The following TRAPPC3 variants were observed in gnomAD, a reference collection of about 807,000 sequenced individuals.
TRAPPC3 encodes trafficking protein particle complex subunit 3, also known as trafficking protein particle complex 3.
In TRAPPC3, 5 loss-of-function variants were observed where a neutral mutation model predicts 18.2. The ratio of observed to expected loss-of-function variants is 0.28; its 90% CI spans 0.14 to 0.58. TRAPPC3 has a LOEUF of 0.58. TRAPPC3 is among the 20% of genes least tolerant of loss of function. The pLI is 0.91. For missense variants in TRAPPC3, 176 were observed against 225.9 expected, an observed-to-expected ratio of 0.78 and a Z score of 1.41; for synonymous variants, 65 against 84.2, an observed-to-expected ratio of 0.77 and a Z score of 1.25.
intron 3 of TRAPPC3, among the ~76,000 whole-genome samples, chr1:36,139,070 G>A (rs373412389): frequency 2.2e-3 from 333 of 149,526 alleles, no homozygotes; most frequent in African/African-American, 7.8e-3. Flanking sequence ...AAAAAAAGAT[G>A]AGGTCACTGG....
At position 36,138,268 on chromosome 1, in the gene TRAPPC3, T is replaced by G. The variant is rs1235266252; in HGVS notation, c.241-290A>C. The G allele has an allele frequency of 7.8e-6, 12 of 1,536,720 alleles. No individual in the cohort carries two copies. The Admixed American group carries it at 2.0e-4, about 25-fold the overall frequency. ...TACAAGTAAGCAACAACTCACTCAC[T>G]GTGTGCTTGTACTTCTCAGTGGAAG... On this transcript the variant is annotated intron_variant, in intron 3 of 4. Transcript: ENST00000373166.
At chr1:36,144,034 G>A (rs532963370) in intron 1 of TRAPPC3, among the ~76,000 whole-genome samples, 3 of 152,108 alleles carry the variant, frequency 2.0e-5, no homozygotes, top group South Asian at 2.1e-4. Flanking sequence ...AGGAGGGCAA[G>A]TACAGCACTT....
At chr1:36,150,331 G>C (rs963411163), upstream of TRAPPC3, among the ~76,000 whole-genome samples, 3 of 152,218 alleles carry the variant, frequency 2.0e-5, no homozygotes, top group African/African-American at 7.2e-5. Context: ...CAACAAACAG[G>C]CACCAGAAAC....
At chr1:36,137,749 T>A (rs1213964897) in intron 4 of TRAPPC3, 47 bp downstream of exon 4, 5 of 1,568,738 alleles carry the variant, frequency 3.2e-6, no homozygotes, top group Middle Eastern at 1.9e-4. Flanking sequence ...ACTTATCAAG[T>A]CCCTATTGCA....
rs1644038346 is a variant in TRAPPC3, at chr1:36,137,248, T to A, written c.498A>T (p.Arg166Ser). ...GATTGTCCTCAATCCGCCTGATGAA[T>A]CTCATCCGGATTTCTGTCACACCGT... The part of the protein sequence containing the change: ...KGDGVTEIRM[R>S]FIRRIEDNLP... The change falls in exon 5 of 5, where the codon AGA (arginine) becomes AGT (serine). Residue 166 changes from arginine (R) to serine (S), a missense_variant. Coordinates refer to ENST00000373166, the MANE Select transcript of TRAPPC3 (RefSeq NM_014408.5). 6.2e-7 allele frequency: 1 copy of A among 1,613,144 alleles called. No individual in the cohort carries two copies. Among genetic ancestry groups the A allele is most frequent in the Admixed American group, 1.7e-5 (1 of 59,984 alleles).
At chr1:36,150,590 G>A (rs1644261113), upstream of TRAPPC3, among the ~76,000 whole-genome samples, 1 of 152,236 alleles carries the variant, frequency 6.6e-6, no homozygotes, top group Non-Finnish European at 1.5e-5. Flanking sequence ...AGGCTAGGGA[G>A]GGCTGGGGGG....
At chr1:36,155,926 G>C (rs1251748668) in exon 1 of TRAPPC3, 3 of 153,150 alleles carry the variant, frequency 2.0e-5, no homozygotes, top group African/African-American at 4.8e-5. Flanking sequence ...GCGGACGCAG[G>C]GGGAGGCAGC....
At position 36,149,395 on chromosome 1, in the gene TRAPPC3, C is replaced by T. The variant is rs1209591057; in HGVS notation, c.-17G>A. On this transcript the variant is annotated 5_prime_UTR_variant, in exon 1 of 5. Coordinates refer to ENST00000373166, the MANE Select transcript of TRAPPC3 (RefSeq NM_014408.5). ...CCTCGACATGGTGCCGGCCGCCCCG[C>T]CCCACTCGCCTAGCCACGGGTTAGC... The T allele has an allele frequency of 6.2e-7, 1 of 1,612,480 alleles. No individual in the cohort carries two copies. Among genetic ancestry groups the T allele is most frequent in the East Asian group, 2.2e-5 (1 of 44,862 alleles).
chr1:36,150,064 T>C (rs1239026845), upstream of TRAPPC3, among the ~76,000 whole-genome samples: 1 of 152,154 alleles, frequency 6.6e-6, no homozygotes, highest in Non-Finnish European at 1.5e-5. Context: ...ATCCAGTCTT[T>C]TAGGTAAAGT....
In TRAPPC3 at chr1:36,149,403, G is replaced by A; in HGVS notation, c.-25C>T. Reference sequence around the variant, plus strand: ...TGGTGCCGGCCGCCCCGCCCCACTCGCCTAGCCACGGGTTAGCTCGGCGAC... The same window carrying A: ...TGGTGCCGGCCGCCCCGCCCCACTCACCTAGCCACGGGTTAGCTCGGCGAC... On this transcript the variant is annotated 5_prime_UTR_variant, in exon 1 of 5. Transcript: ENST00000373166. 6.2e-7 allele frequency: 1 copy of A among 1,611,662 alleles called. No homozygotes were observed. Among genetic ancestry groups the A allele is most frequent in the Non-Finnish European group, 8.5e-7 (1 of 1,179,510 alleles).
At chr1:36,148,005 A>G (rs1644226172) in intron 1 of TRAPPC3, among the ~76,000 whole-genome samples, 1 of 152,210 alleles carries the variant, frequency 6.6e-6, no homozygotes, top group South Asian at 2.1e-4. Context: ...AGAAAGAAAC[A>G]TTTACCATGC....
intron 4 of TRAPPC3, 21 bp from the exon 5 acceptor site, chr1:36,137,343 G>A (rs779213052): frequency 3.1e-6 from 5 of 1,599,570 alleles, no homozygotes; most frequent in South Asian, 1.1e-5. Flanking sequence ...GTGGGAAAAC[G>A]AAGGGGTAGC....
chr1:36,146,136 T>C (rs1344265686), intron 1 of TRAPPC3, among the ~76,000 whole-genome samples: 1 of 151,718 alleles, frequency 6.6e-6, no homozygotes, highest in Non-Finnish European at 1.5e-5. Context: ...GGGAGTGCCG[T>C]GGTGCCATTT....
chr1:36,153,337 C>A (rs993086172), upstream of TRAPPC3, among the ~76,000 whole-genome samples: 3 of 152,184 alleles, frequency 2.0e-5, no homozygotes, highest in Non-Finnish European at 4.4e-5. Context: ...GAGTCCACTT[C>A]CTCTGTCCAC....
chr1:36,153,623 T>G (rs1468605158), upstream of TRAPPC3, among the ~76,000 whole-genome samples: 1 of 152,210 alleles, frequency 6.6e-6, no homozygotes, highest in African/African-American at 2.4e-5. Flanking sequence ...CTACGCAATG[T>G]AGGATGGTAA....
intron 1 of TRAPPC3, among the ~76,000 whole-genome samples, chr1:36,142,075 C>T (rs1445256456): frequency 1.3e-5 from 2 of 151,670 alleles, no homozygotes; most frequent in Non-Finnish European, 2.9e-5. Flanking sequence ...TCAACCTATC[C>T]ACTCTTCCCC....
chr1:36,149,533 T>A, upstream of TRAPPC3: 1 of 942,862 alleles, frequency 1.1e-6, no homozygotes, highest in Non-Finnish European at 1.6e-6. Flanking sequence ...ACGGGACTAG[T>A]GGTCCGGCCG....
intron 1 of TRAPPC3, 148 bp downstream of exon 1, chr1:36,149,189 C>CCT: frequency 1.3e-6 from 2 of 1,489,470 alleles, no homozygotes; most frequent in Non-Finnish European, 1.8e-6. Flanking sequence ...CTGCCTGGAA[C>CCT]GCCCCCGGAG....
At chr1:36,146,120 C>T (rs1240830210) in intron 1 of TRAPPC3, among the ~76,000 whole-genome samples, 2 of 151,842 alleles carry the variant, frequency 1.3e-5, no homozygotes, top group Non-Finnish European at 2.9e-5. Context: ...GTTGCTATCG[C>T]CAGGCGGGAG....
Sources: allele counts gnomAD v4.1 joint callset (sites outside exome capture counted in the v4.1 genomes callset), GRCh38; gene constraint gnomAD v4.1.1; transcripts MANE v1.5; gene names NCBI Gene and HGNC (gene_info 2026-07-23, HGNC 2026-07-21).